The following MYO9B variants were observed in gnomAD, a reference collection of about 807,000 sequenced individuals.
MYO9B encodes the protein unconventional myosin-IXb.
MYO9B carries 71 observed loss-of-function variants against 229.5 expected under a neutral mutation model. The observed-to-expected ratio is 0.31, with a 90% CI of 0.26 to 0.38. The LOEUF (loss-of-function observed/expected upper bound fraction) is 0.38. MYO9B is among the 10% of genes least tolerant of loss of function. The probability of loss-of-function intolerance (pLI) is 1.00; values close to 1 mark genes in which losing one functional copy is unlikely to be tolerated. For missense variants in MYO9B, 2,255 were observed against 2,920.5 expected (o/e 0.77, Z 5.25); for synonymous variants, 1,185 against 1,235.8 (o/e 0.96, Z 0.86).
intron 2 of MYO9B, among the ~76,000 whole-genome samples, chr19:17,133,384 C>T (rs955870848): frequency 4.6e-5 from 7 of 152,156 alleles, no homozygotes; most frequent in Non-Finnish European, 1.0e-4. Context: ...TTCCTCCTCT[C>T]TAATTGAAAT....
chr19:17,152,013 C>A (rs555851480), intron 3 of MYO9B, among the ~76,000 whole-genome samples: 119 of 152,106 alleles, frequency 7.8e-4, no homozygotes, highest in African/African-American at 2.8e-3. Context: ...CATGGAGAAA[C>A]CCCGTCTCTA....
At chr19:17,202,624 G>C (rs1051671788) in intron 28 of MYO9B, among the ~76,000 whole-genome samples, 1 of 152,172 alleles carries the variant, frequency 6.6e-6, no homozygotes, top group Non-Finnish European at 1.5e-5. Context: ...GTGCCCATTT[G>C]TGCCACACCT....
At chr19:17,166,954 C>T (rs75358564) in intron 10 of MYO9B, among the ~76,000 whole-genome samples, 2 of 152,170 alleles carry the variant, frequency 1.3e-5, no homozygotes, top group East Asian at 3.9e-4. Flanking sequence ...AGAACACACA[C>T]ATGCAGATAC....
Position 17,185,996 on chromosome 19 carries a change from G to A in MYO9B, c.2572G>A (p.Glu858Lys), listed in dbSNP as rs1232569221. 10 of 1,613,514 alleles carry A rather than the reference G, an allele frequency of 6.2e-6. No homozygotes were observed. The highest frequency in any genetic ancestry group is 8.5e-6 in the Non-Finnish European group (10 of 1,179,666). The change falls in exon 18 of 40, where the codon GAA becomes AAA. Residue 858 changes from glutamate to lysine, a missense_variant. Glu to Lys is a moderately conservative substitution (Grantham distance 56, BLOSUM62 1). This residue lies in a region of MYO9B where 68 missense variants were observed against 133.5 expected (regional missense o/e 0.51). Coordinates refer to ENST00000682292, the MANE Select transcript of MYO9B (RefSeq NM_004145.4). ...TATCCGCTGCATCCGTTCCAATGCT[G>A]AAAAGGTGAGTTTCTCTAAGGTGTT... ...FFIRCIRSNA[E>K]KKELCFDDEL...
chr19:17,079,969 T>C (rs2057519946), intron 1 of MYO9B, among the ~76,000 whole-genome samples: 1 of 152,188 alleles, frequency 6.6e-6, no homozygotes, highest in Admixed American at 6.5e-5. Flanking sequence ...TCAATTTCTA[T>C]CGTGGCTGGG....
Position 17,191,154 on chromosome 19 carries a change from G to T in MYO9B, c.2746G>T (p.Val916Phe). The T allele has an allele frequency of 6.2e-7, 1 of 1,612,594 alleles. No homozygotes were observed. ...CAAGGATGCCCAGCCCTGCAGGGAG[G>T]TCATCTCCACCCTCCTGGAGAAAAT... ...LPKDAQPCRE[V>F]ISTLLEKMKI... The change falls in exon 20 of 40, where the codon GTC (valine) becomes TTC (phenylalanine). Residue 916 changes from valine to phenylalanine, a missense_variant. Val to Phe is a conservative substitution (Grantham distance 50). Coordinates refer to ENST00000682292, the MANE Select transcript of MYO9B (RefSeq NM_004145.4).
At position 17,172,196 on chromosome 19, in the gene MYO9B, A is replaced by G. The variant is rs2072732166; in HGVS notation, c.1794-140A>G. ...CACTCCTTCACCCACCCCTCTGTGC[A>G]CAGAGCCCTGTGCCACTTCACTGCT... On this transcript the variant is annotated intron_variant, in intron 11 of 39. Coordinates refer to ENST00000682292, the MANE Select transcript of MYO9B (RefSeq NM_004145.4). The surrounding 1 kb of genome is among the most constrained non-coding windows in gnomAD (Gnocchi z 8.2). 1.2e-5 allele frequency: 13 copies of G among 1,077,012 alleles called. No individual in the cohort carries two copies. Among genetic ancestry groups the G allele is most frequent in the Non-Finnish European group, 1.6e-5 (12 of 760,802 alleles). 66.7% of individuals were successfully genotyped at this position (1,077,012 alleles called of 1,614,324 possible).
chr19:17,184,739 A>C, intron 16 of MYO9B, 126 bp from the exon 17 acceptor site: 1 of 1,292,798 alleles, frequency 7.7e-7, no homozygotes, highest in Non-Finnish European at 1.1e-6. Context: ...ACCAAACCTA[A>C]GAGCTGCTGC....
intron 10 of MYO9B, 25 bp from the exon 11 acceptor site, chr19:17,167,918 T>TA (rs767810467): frequency 6.4e-7 from 1 of 1,552,192 alleles, no homozygotes; most frequent in South Asian, 1.2e-5. Flanking sequence ...ATAAGAAACT[T>TA]ACCGACCCCG....
intron 19 of MYO9B, among the ~76,000 whole-genome samples, chr19:17,188,848 G>A (rs1456419998): frequency 6.6e-6 from 1 of 151,870 alleles, no homozygotes; most frequent in Non-Finnish European, 1.5e-5. Context: ...CCCCATCTCT[G>A]CAAAAAATTT....
Position 17,093,193 on chromosome 19 carries a change from C to T in MYO9B, c.-58-8467C>T, listed in dbSNP as rs193264020. 3.9e-5 allele frequency among the ~76,000 whole-genome samples: 6 copies of T among 152,098 alleles called. No homozygotes were observed. The East Asian group carries it at 5.8e-4, about 15-fold the overall frequency. On this transcript the variant is annotated intron_variant, in intron 1 of 39. Transcript: ENST00000682292. ...CCAAAAATACAAAAAATTAGCTGGG[C>T]GTGGTGGTGCACGCCTGTAATCCCA... is the stretch of plus-strand genomic sequence containing the variant.
At chr19:17,151,085 G>A (rs1404657293) in intron 3 of MYO9B, among the ~76,000 whole-genome samples, 2 of 152,034 alleles carry the variant, frequency 1.3e-5, no homozygotes, top group Non-Finnish European at 2.9e-5. Flanking sequence ...TTCGAGACCA[G>A]CCTTGCCAAC....
At chr19:17,122,011 T>G (rs2057970609) in intron 2 of MYO9B, among the ~76,000 whole-genome samples, 1 of 149,374 alleles carries the variant, frequency 6.7e-6, no homozygotes. Flanking sequence ...GTACTGGAAG[T>G]CTTTGCTGTT....
chr19:17,129,111 T>G lies in MYO9B; in HGVS notation c.841-16286T>G, dbSNP rs570843289. Among the ~76,000 whole-genome samples, 3 of 152,096 alleles carry G rather than the reference T, an allele frequency of 2.0e-5. No homozygotes were observed. The East Asian group carries it at 5.8e-4, about 29-fold the overall frequency. ...GTTGCAGAGGGAGGAAGAAACAGCA[T>G]CAAGGGACCGGGCATGGTGGCTCAC... On this transcript the variant is annotated intron_variant, in intron 2 of 39. Coordinates refer to ENST00000682292, the MANE Select transcript of MYO9B (RefSeq NM_004145.4).
At chr19:17,154,153 C>T (rs2305768) in intron 5 of MYO9B, 87 bp downstream of exon 5, 581,726 of 1,392,118 alleles carry the variant, frequency 0.42, 124,381 homozygotes, top group Non-Finnish European at 0.44. Flanking sequence ...CAGAGGCAGC[C>T]TGCCCTGGCC....
chr19:17,174,178 C>G (rs531806401), intron 13 of MYO9B, among the ~76,000 whole-genome samples: 1 of 151,874 alleles, frequency 6.6e-6, no homozygotes, highest in Non-Finnish European at 1.5e-5. Context: ...TACAGGCACC[C>G]GCCACCACGC....
chr19:17,110,442 C>T (rs943120491), intron 2 of MYO9B, among the ~76,000 whole-genome samples: 3 of 152,136 alleles, frequency 2.0e-5, no homozygotes, highest in South Asian at 2.1e-4. Context: ...CATGGGGTCT[C>T]GCCGCAAAGC....
At chr19:17,105,653 G>C (rs2057786178) in intron 2 of MYO9B, among the ~76,000 whole-genome samples, 1 of 152,154 alleles carries the variant, frequency 6.6e-6, no homozygotes, top group Admixed American at 6.5e-5. Context: ...GGCAGGGTCA[G>C]ACCCCACCCT....
Position 17,191,126 on chromosome 19 carries a change from G to A in MYO9B, c.2718G>A (p.Leu906=), listed in dbSNP as rs55959020. ...QDFTEQFQVL[L]PKDAQPCREV... ...TCACCGAGCAGTTCCAGGTGCTCCTGCCCAAGGATGCCCAGCCCTGCAGGG... is the reference window on the plus strand; with the variant it reads ...TCACCGAGCAGTTCCAGGTGCTCCTACCCAAGGATGCCCAGCCCTGCAGGG... The change falls in exon 20 of 40, where the codon CTG becomes CTA. Residue 906 remains leucine, a synonymous_variant. Transcript: ENST00000682292. 53,453 of 1,612,488 alleles carry A rather than the reference G, an allele frequency of 0.033. 1,091 individuals are homozygous for A. The highest frequency in any genetic ancestry group is 0.037 in the Non-Finnish European group (44,192 of 1,179,238).
Sources: allele counts gnomAD v4.1 joint callset (sites outside exome capture counted in the v4.1 genomes callset), GRCh38; gene constraint gnomAD v4.1.1; regional missense constraint gnomAD v4.1.1; non-coding constraint Gnocchi (gnomAD v3.1); transcripts MANE v1.5; gene names NCBI Gene and HGNC (gene_info 2026-07-23, HGNC 2026-07-21).